The following HTR7 variants were observed in gnomAD, a reference collection of about 807,000 sequenced individuals.
HTR7 encodes 5-hydroxytryptamine receptor 7, also known as 5-HT-7.
Under a neutral mutation model 34.0 loss-of-function variants are expected in HTR7, and 16 were observed. The observed-to-expected ratio is 0.47, with a 90% confidence interval of 0.32 to 0.71. The LOEUF (loss-of-function observed/expected upper bound fraction) is 0.71, where lower values mean the gene tolerates loss of function less well. Ranked by LOEUF, HTR7 falls within the 30% of genes least tolerant of loss-of-function variation. The pLI is 0.04. For synonymous variants in HTR7, 265 were observed against 260.2 expected, an observed-to-expected ratio of 1.02 and a Z score of -0.18; for missense variants, 504 against 625.5, an observed-to-expected ratio of 0.81 and a Z score of 2.07.
intron 1 of HTR7, among the ~76,000 whole-genome samples, chr10:90,764,824 C>T (rs984625316): frequency 5.3e-5 from 8 of 152,152 alleles, no homozygotes; most frequent in East Asian, 1.9e-4. Flanking sequence ...GTGTCAAATG[C>T]TTTTTATTCA....
At chr10:90,790,388 G>A (rs1014838320) in intron 1 of HTR7, among the ~76,000 whole-genome samples, 6 of 152,118 alleles carry the variant, frequency 3.9e-5, no homozygotes, top group Non-Finnish European at 8.8e-5. Flanking sequence ...CAAGACTGCA[G>A]GTCTTTTTCT....
chr10:90,775,111 T>G (rs986428261), intron 1 of HTR7, among the ~76,000 whole-genome samples: 2 of 152,204 alleles, frequency 1.3e-5, no homozygotes, highest in African/African-American at 4.8e-5. Context: ...CTTACTAATA[T>G]TTTGATGTAT....
intron 1 of HTR7, among the ~76,000 whole-genome samples, chr10:90,801,753 A>T (rs1322244653): frequency 1.3e-5 from 2 of 152,214 alleles, no homozygotes; most frequent in Non-Finnish European, 2.9e-5. Flanking sequence ...GCCAGCAAAT[A>T]GGTAAGAAAT....
intron 1 of HTR7, among the ~76,000 whole-genome samples, chr10:90,813,088 C>G (rs1845841915): frequency 6.6e-6 from 1 of 152,030 alleles, no homozygotes; most frequent in Non-Finnish European, 1.5e-5. Context: ...GAGAACAAAC[C>G]CCCTTTGACT....
At chr10:90,808,028 C>T (rs183981773) in intron 1 of HTR7, among the ~76,000 whole-genome samples, 130 of 152,246 alleles carry the variant, frequency 8.5e-4, no homozygotes, top group African/African-American at 2.7e-3. Flanking sequence ...ATGTTTTATC[C>T]GTGGACCCAA....
At chr10:90,761,658 GT>G (rs1844939033) in intron 1 of HTR7, among the ~76,000 whole-genome samples, 2 of 151,810 alleles carry the variant, frequency 1.3e-5, no homozygotes, top group African/African-American at 4.8e-5. Flanking sequence ...GTGTGTGTGT[GT>G]GTGTGGTGAG....
chr10:90,831,301 T>C (rs1846169357), intron 1 of HTR7, among the ~76,000 whole-genome samples: 1 of 152,004 alleles, frequency 6.6e-6, no homozygotes, highest in Admixed American at 6.6e-5. Context: ...GTGTTCGGAG[T>C]TTCTTCCTTC....
At chr10:90,765,899 T>C (rs1355339469) in intron 1 of HTR7, among the ~76,000 whole-genome samples, 1 of 152,228 alleles carries the variant, frequency 6.6e-6, no homozygotes, top group African/African-American at 2.4e-5. Flanking sequence ...GATATGATAT[T>C]AATCTTCTTG....
At chr10:90,778,112 T>C (rs1425197281) in intron 1 of HTR7, among the ~76,000 whole-genome samples, 4 of 152,234 alleles carry the variant, frequency 2.6e-5, no homozygotes, top group East Asian at 3.8e-4. Flanking sequence ...CATTTCAGCA[T>C]AGCAGAGTAG....
intron 1 of HTR7, among the ~76,000 whole-genome samples, chr10:90,836,725 G>A (rs1254199770): frequency 1.3e-5 from 2 of 151,142 alleles, no homozygotes; most frequent in African/African-American, 4.9e-5. Flanking sequence ...GCCCAGGCCA[G>A]TCTTGAACTC....
At chr10:90,824,742 T>C (rs1190179016) in intron 1 of HTR7, among the ~76,000 whole-genome samples, 1 of 152,264 alleles carries the variant, frequency 6.6e-6, no homozygotes, top group Non-Finnish European at 1.5e-5. Flanking sequence ...GCAGTATTCC[T>C]CATGGGCCTG....
intron 1 of HTR7, among the ~76,000 whole-genome samples, chr10:90,785,091 G>A (rs575929986): frequency 6.6e-6 from 1 of 152,308 alleles, no homozygotes; most frequent in South Asian, 2.1e-4. Context: ...CGCTGCAGGA[G>A]GCTATAAGTG....
intron 1 of HTR7, among the ~76,000 whole-genome samples, chr10:90,767,589 C>G (rs1021607081): frequency 1.3e-5 from 2 of 152,088 alleles, no homozygotes; most frequent in South Asian, 4.1e-4. Flanking sequence ...TCTGGGCTGG[C>G]CTTGTGACTT....
At chr10:90,776,537 T>C (rs958829739) in intron 1 of HTR7, among the ~76,000 whole-genome samples, 6 of 152,214 alleles carry the variant, frequency 3.9e-5, no homozygotes, top group Admixed American at 6.5e-5. Context: ...TCTCTGAAGT[T>C]TATAATTTAA....
intron 1 of HTR7, among the ~76,000 whole-genome samples, chr10:90,806,146 T>C (rs1030207714): frequency 6.6e-6 from 1 of 152,060 alleles, no homozygotes; most frequent in African/African-American, 2.4e-5. Flanking sequence ...AAAAGTAAAT[T>C]TGTCTAGTTT....
intron 1 of HTR7, among the ~76,000 whole-genome samples, chr10:90,822,368 G>T (rs893896948): frequency 3.9e-5 from 6 of 152,216 alleles, no homozygotes; most frequent in Non-Finnish European, 8.8e-5. Flanking sequence ...CTGCCCTAGA[G>T]ATCTGTGGAA....
intron 1 of HTR7, among the ~76,000 whole-genome samples, chr10:90,824,860 T>C (rs1055360382): frequency 6.6e-6 from 1 of 152,214 alleles, no homozygotes; most frequent in Non-Finnish European, 1.5e-5. Context: ...GGTTTCTGAC[T>C]TCAGGTCCTG....
In HTR7 at chr10:90,749,720, C is replaced by A; in HGVS notation, c.540-126G>T. 1 of 817,738 alleles carries A rather than the reference C, an allele frequency of 1.2e-6. No homozygotes were observed. Among genetic ancestry groups the A allele is most frequent in the Non-Finnish European group, 1.9e-6 (1 of 520,422 alleles). The allele number at this position is 817,738 out of a possible 1,614,324, so 50.7% of individuals were successfully genotyped here. On this transcript the variant is annotated intron_variant, in intron 1 of 3. Transcript: ENST00000336152. This position sits in a 1 kb window ranked among gnomAD's most constrained non-coding sequence, Gnocchi z 4.2. ...CCCTTCTAGGTAGGCATCATTACTC[C>A]CATTTTGCAGAAAGGTAAACTAAGG... is the stretch of plus-strand genomic sequence containing the variant.
At chr10:90,824,085 G>A (rs905396521) in intron 1 of HTR7, among the ~76,000 whole-genome samples, 9 of 152,218 alleles carry the variant, frequency 5.9e-5, no homozygotes, top group African/African-American at 2.2e-4. Context: ...CCAATCCCAG[G>A]CAGTGCAGCT....
Sources: allele counts gnomAD v4.1 joint callset (sites outside exome capture counted in the v4.1 genomes callset), GRCh38; gene constraint gnomAD v4.1.1; non-coding constraint Gnocchi (gnomAD v3.1); transcripts MANE v1.5; gene names NCBI Gene and HGNC (gene_info 2026-07-23, HGNC 2026-07-21).